BICC1: variants seen among roughly 807,000 people sequenced by gnomAD.
BICC1 encodes the protein BicC family RNA binding protein 1, also known as protein bicaudal C homolog 1.
Under a neutral mutation model 111.0 loss-of-function variants are expected in BICC1, and 43 were observed. The observed-to-expected ratio is 0.39, with a 90% CI of 0.30 to 0.50. The LOEUF is 0.50. Ranked by LOEUF, BICC1 falls within the 20% of genes least tolerant of loss-of-function variation. BICC1 has a pLI of 0.88. For synonymous variants in BICC1, 467 were observed against 434.4 expected (o/e 1.07, Z -0.93); for missense variants, 1,091 against 1,203.2 (o/e 0.91, Z 1.38).
chr10:58,757,592 G>A (rs548102385), intron 3 of BICC1, among the ~76,000 whole-genome samples: 8 of 152,208 alleles, frequency 5.3e-5, no homozygotes, highest in African/African-American at 1.9e-4. Flanking sequence ...TCCTTTAAGA[G>A]ATTGAGTCCG....
intron 1 of BICC1, among the ~76,000 whole-genome samples, chr10:58,518,967 C>T (rs1224839991): frequency 6.6e-6 from 1 of 152,112 alleles, no homozygotes; most frequent in Admixed American, 6.5e-5. Context: ...GTTTGTTATA[C>T]CAATGACTTT....
chr10:58,656,395 A>G (rs955570150), intron 2 of BICC1, among the ~76,000 whole-genome samples: 1 of 151,024 alleles, frequency 6.6e-6, no homozygotes, highest in Non-Finnish European at 1.5e-5. Flanking sequence ...AGACACAACC[A>G]AAAAAGAGAT....
At chr10:58,620,717 G>A (rs933555179) in intron 1 of BICC1, 138 bp from the exon 2 acceptor site, 3 of 666,848 alleles carry the variant, frequency 4.5e-6, no homozygotes, top group Admixed American at 2.7e-5. Context: ...TCCCAGTGAG[G>A]CATATTAGCA....
At chr10:58,597,288 G>C (rs528234730) in intron 1 of BICC1, among the ~76,000 whole-genome samples, 1 of 152,076 alleles carries the variant, frequency 6.6e-6, no homozygotes, top group Non-Finnish European at 1.5e-5. Context: ...AGGGGAGGGG[G>C]TGTAAGAACA....
intron 15 of BICC1, among the ~76,000 whole-genome samples, chr10:58,804,707 GTTTC>G (rs940661292): frequency 1.3e-5 from 2 of 152,080 alleles, no homozygotes; most frequent in East Asian, 1.9e-4. Context: ...CCAGTTTCTT[GTTTC>G]TTTCTTTTAG....
chr10:58,538,233 G>A (rs769977761), intron 1 of BICC1, among the ~76,000 whole-genome samples: 2 of 151,852 alleles, frequency 1.3e-5, no homozygotes, highest in South Asian at 4.2e-4. Context: ...TACACTACAG[G>A]GCTATAGTTA....
At chr10:58,779,572 A>G (rs1842831247) in intron 3 of BICC1, among the ~76,000 whole-genome samples, 1 of 152,236 alleles carries the variant, frequency 6.6e-6, no homozygotes, top group Admixed American at 6.5e-5. Flanking sequence ...TTTATACCAA[A>G]GAAATTTGCA....
chr10:58,688,322 G>T (rs1315331727), intron 2 of BICC1, among the ~76,000 whole-genome samples: 6 of 152,092 alleles, frequency 3.9e-5, no homozygotes, highest in African/African-American at 1.4e-4. Context: ...GTGCTGATTG[G>T]TGCATTTACA....
At chr10:58,787,519 C>G (rs948532246) in intron 5 of BICC1, among the ~76,000 whole-genome samples, 1 of 152,178 alleles carries the variant, frequency 6.6e-6, no homozygotes, top group East Asian at 1.9e-4. Flanking sequence ...TTATGTCTCT[C>G]TCTAGTTTAT....
At chr10:58,720,198 A>G (rs1001299499) in intron 3 of BICC1, among the ~76,000 whole-genome samples, 1 of 152,216 alleles carries the variant, frequency 6.6e-6, no homozygotes, top group African/African-American at 2.4e-5. Flanking sequence ...ACAAACTGAA[A>G]TAGTATCCTA....
At chr10:58,773,399 G>A (rs1330015500) in intron 3 of BICC1, among the ~76,000 whole-genome samples, 1 of 152,210 alleles carries the variant, frequency 6.6e-6, no homozygotes, top group Non-Finnish European at 1.5e-5. Flanking sequence ...ACTCCAAATG[G>A]TGTAAGAAAC....
chr10:58,512,791 T>A (rs1392747819), upstream of BICC1, among the ~76,000 whole-genome samples: 1 of 150,718 alleles, frequency 6.6e-6, no homozygotes, highest in Non-Finnish European at 1.5e-5. Flanking sequence ...GCCGGGCCAA[T>A]GAGCGCGCGG....
intron 1 of BICC1, among the ~76,000 whole-genome samples, chr10:58,580,253 T>G (rs1214162370): frequency 6.6e-6 from 1 of 152,010 alleles, no homozygotes; most frequent in African/African-American, 2.4e-5. Flanking sequence ...CGAACTCCTG[T>G]CCTCAAGTGA....
At chr10:58,644,565 A>T (rs1420728117) in intron 2 of BICC1, among the ~76,000 whole-genome samples, 2 of 152,214 alleles carry the variant, frequency 1.3e-5, no homozygotes, top group African/African-American at 2.4e-5. Context: ...GCAATTCCAC[A>T]GCTGGCTCCC....
chr10:58,685,418 T>A (rs1054281173), intron 2 of BICC1, among the ~76,000 whole-genome samples: 11 of 152,202 alleles, frequency 7.2e-5, no homozygotes, highest in Non-Finnish European at 1.5e-4. Context: ...TTCCTGAATA[T>A]CCTTGTTAAC....
At chr10:58,651,497 G>A (rs1237019624) in intron 2 of BICC1, among the ~76,000 whole-genome samples, 1 of 152,160 alleles carries the variant, frequency 6.6e-6, no homozygotes, top group Non-Finnish European at 1.5e-5. Flanking sequence ...TGAGGGACAT[G>A]GGAGTAAAAT....
At chr10:58,591,148 A>G (rs1416356154) in intron 1 of BICC1, among the ~76,000 whole-genome samples, 1 of 152,114 alleles carries the variant, frequency 6.6e-6, no homozygotes, top group African/African-American at 2.4e-5. Context: ...CATGTTTGCT[A>G]ACGTTGCTTT....
intron 3 of BICC1, among the ~76,000 whole-genome samples, chr10:58,710,303 C>A (rs1466238636): frequency 1.3e-5 from 2 of 152,134 alleles, no homozygotes; most frequent in African/African-American, 2.4e-5. Context: ...CCCTTTCACA[C>A]CCATACCTTC....
chr10:58,641,639 G>A (rs1838127076), intron 2 of BICC1, among the ~76,000 whole-genome samples: 2 of 152,104 alleles, frequency 1.3e-5, no homozygotes, highest in South Asian at 2.1e-4. Flanking sequence ...ATAATACAGC[G>A]AAGGTTATCA....
Sources: gnomAD v4.1 joint callset for allele counts (sites outside exome capture counted in the v4.1 genomes callset) on GRCh38, gnomAD v4.1.1 for gene constraint, MANE v1.5 for transcripts, NCBI Gene and HGNC (gene_info 2026-07-23, HGNC 2026-07-21) for gene names.